The following NTM variants were observed in gnomAD, a reference collection of about 807,000 sequenced individuals.
NTM encodes the protein IgLON family member 2.
A neutral mutation model predicts 42.1 loss-of-function variants in NTM; 13 were observed. The ratio of observed to expected loss-of-function variants is 0.31; its 90% CI spans 0.20 to 0.49. NTM has a LOEUF of 0.49. Among genes scored for constraint, NTM ranks in the 20% least tolerant of loss-of-function variants. NTM has a pLI of 0.99. For synonymous variants in NTM, 187 were observed against 179.2 expected, an observed-to-expected ratio of 1.04 and a Z score of -0.35; for missense variants, 373 against 452.8, an observed-to-expected ratio of 0.82 and a Z score of 1.60.
At chr11:131,443,925 A>G (rs1336852294) in intron 1 of NTM, among the ~76,000 whole-genome samples, 1 of 152,168 alleles carries the variant, frequency 6.6e-6, no homozygotes, top group Non-Finnish European at 1.5e-5. Flanking sequence ...AGATAAAACT[A>G]TAGTTCCAGA....
intron 7 of NTM, 67 bp downstream of exon 7, chr11:132,314,770 G>A: frequency 6.6e-7 from 1 of 1,509,000 alleles, no homozygotes; most frequent in South Asian, 1.4e-5. Flanking sequence ...CTGGGTGGGA[G>A]GGCCCCTCAA....
intron 2 of NTM, among the ~76,000 whole-genome samples, chr11:132,122,479 C>T (rs1311260490): frequency 6.6e-6 from 1 of 152,184 alleles, no homozygotes; most frequent in Non-Finnish European, 1.5e-5. Flanking sequence ...TGGGGCTGCG[C>T]CTACTGTCAG....
chr11:132,106,741 G>A (rs1230706861), intron 2 of NTM, among the ~76,000 whole-genome samples: 2 of 152,192 alleles, frequency 1.3e-5, no homozygotes, highest in Non-Finnish European at 2.9e-5. Context: ...TGATCGTGAT[G>A]ATACATCTTA....
chr11:131,756,877 T>A (rs369501525), intron 1 of NTM, among the ~76,000 whole-genome samples: 5 of 152,330 alleles, frequency 3.3e-5, no homozygotes, highest in African/African-American at 1.2e-4. Context: ...GAAACGCTTC[T>A]TTGTCTGCTA....
At chr11:131,634,435 T>A (rs1244531627) in intron 1 of NTM, among the ~76,000 whole-genome samples, 6 of 152,038 alleles carry the variant, frequency 3.9e-5, no homozygotes, top group Non-Finnish European at 8.8e-5. Context: ...AGACTGTCTC[T>A]CTGCATAATA....
intron 1 of NTM, among the ~76,000 whole-genome samples, chr11:131,831,230 C>T (rs1320830531): frequency 6.6e-6 from 1 of 152,006 alleles, no homozygotes; most frequent in Non-Finnish European, 1.5e-5. Context: ...TAGTAGCTTC[C>T]TAAACATTGG....
At chr11:131,529,445 T>C (rs2050941714) in intron 1 of NTM, among the ~76,000 whole-genome samples, 1 of 152,202 alleles carries the variant, frequency 6.6e-6, no homozygotes, top group Admixed American at 6.5e-5. Flanking sequence ...TCCTTTCTGA[T>C]GAATGGGAAC....
intron 3 of NTM, among the ~76,000 whole-genome samples, chr11:132,211,346 G>T (rs2082800181): frequency 6.6e-6 from 1 of 152,208 alleles, no homozygotes; most frequent in South Asian, 2.1e-4. Flanking sequence ...GCTTCAGTGA[G>T]CCATATTTGC....
At chr11:131,707,695 T>C (rs1246432633) in intron 1 of NTM, among the ~76,000 whole-genome samples, 5 of 152,120 alleles carry the variant, frequency 3.3e-5, no homozygotes, top group Admixed American at 2.0e-4. Context: ...CTAACAGGTC[T>C]GAGCATTTGC....
chr11:131,500,711 T>C (rs1404674296), intron 1 of NTM, among the ~76,000 whole-genome samples: 1 of 147,244 alleles, frequency 6.8e-6, no homozygotes, highest in African/African-American at 2.5e-5. Context: ...ATTAGCTATA[T>C]CTCCTAATGC....
chr11:131,933,889 G>T (rs1592986579), intron 2 of NTM, among the ~76,000 whole-genome samples: 1 of 151,868 alleles, frequency 6.6e-6, no homozygotes, highest in Non-Finnish European at 1.5e-5. Context: ...TCTGGGGGGG[G>T]ATGTTGTTTT....
chr11:131,858,265 G>A lies in NTM; in HGVS notation c.83-53299G>A, dbSNP rs540430033. 5.9e-5 allele frequency among the ~76,000 whole-genome samples: 9 copies of A among 152,074 alleles called. No homozygotes were observed. The East Asian group carries it at 1.7e-3, about 30-fold the overall frequency. ...TACTTTGCGGAAGCTTCTATGAATA[G>A]GCCAGGATGAGCAAGTTGATTCTCT... On this transcript the variant is annotated intron_variant, in intron 1 of 8. Coordinates refer to ENST00000683400, the MANE Select transcript of NTM (RefSeq NM_001352005.2).
chr11:132,335,104 G>T lies in NTM; in HGVS notation c.1026G>T (p.Trp342Cys), dbSNP rs773873664. Reference protein sequence around the residue: ...NGTSRRAGCVWLLPLLVLHLL... With the variant: ...NGTSRRAGCVCLLPLLVLHLL... ...CGTCGAGGAGGGCAGGCTGCGTCTG[G>T]CTGCTGCCTCTTCTGGTCTTGCACC... Residue 342 changes from tryptophan (W) to cysteine (C), a missense_variant, in exon 9 of 9, where the codon TGG becomes TGT. Physicochemically the swap from Trp to Cys is radical, Grantham distance 215 (BLOSUM62 -2). Transcript: ENST00000683400. 1.2e-6 allele frequency: 2 copies of T among 1,612,628 alleles called. No homozygotes were observed. The highest frequency in any genetic ancestry group is 8.5e-7 in the Non-Finnish European group (1 of 1,180,004).
At chr11:131,698,499 G>T (rs2075724723) in intron 1 of NTM, among the ~76,000 whole-genome samples, 1 of 152,112 alleles carries the variant, frequency 6.6e-6, no homozygotes, top group Non-Finnish European at 1.5e-5. Context: ...AACACGATGA[G>T]GCAGATGCTG....
chr11:132,224,164 A>G (rs1358751485), intron 4 of NTM, among the ~76,000 whole-genome samples: 2 of 152,240 alleles, frequency 1.3e-5, no homozygotes, highest in Non-Finnish European at 2.9e-5. Context: ...GAGGAGGATC[A>G]TAGACCCAAC....
At chr11:131,753,983 T>G (rs11827125) in intron 1 of NTM, among the ~76,000 whole-genome samples, 31,360 of 151,586 alleles carry the variant, frequency 0.21, 4,648 homozygotes, top group African/African-American at 0.42. Context: ...TCCTTTGTAG[T>G]GACTTGGATG....
chr11:131,995,366 A>C (rs934988504), intron 2 of NTM, among the ~76,000 whole-genome samples: 4 of 152,082 alleles, frequency 2.6e-5, no homozygotes, highest in Non-Finnish European at 5.9e-5. Flanking sequence ...AACGGAATGG[A>C]AGGTTGAGGA....
chr11:131,878,433 G>C (rs1174937889), intron 1 of NTM, among the ~76,000 whole-genome samples: 2 of 151,010 alleles, frequency 1.3e-5, no homozygotes, highest in Non-Finnish European at 2.9e-5. Context: ...AAATTTGCTA[G>C]GCATGGTGGC....
intron 3 of NTM, among the ~76,000 whole-genome samples, chr11:132,163,999 C>T (rs1304164574): frequency 1.3e-5 from 2 of 152,166 alleles, no homozygotes; most frequent in Admixed American, 6.5e-5. Context: ...GGTTAGCTGG[C>T]TTATCCAAGG....
Sources: allele counts gnomAD v4.1 joint callset (sites outside exome capture counted in the v4.1 genomes callset), GRCh38; gene constraint gnomAD v4.1.1; transcripts MANE v1.5; gene names NCBI Gene and HGNC (gene_info 2026-07-23, HGNC 2026-07-21).